The following IL1RAPL1 variants were observed in gnomAD, a reference collection of about 807,000 sequenced individuals.
The protein encoded by IL1RAPL1 is interleukin-1 receptor accessory protein-like 1.
Under a neutral mutation model 48.4 loss-of-function variants are expected in IL1RAPL1, and 3 were observed. The observed-to-expected ratio is 0.06, with a 90% CI of 0.03 to 0.16. The LOEUF (loss-of-function observed/expected upper bound fraction) is 0.16. Among genes scored for constraint, IL1RAPL1 ranks in the 10% least tolerant of loss-of-function variants. IL1RAPL1 has a pLI of 1.00. For missense variants in IL1RAPL1, 349 were observed against 530.6 expected (o/e 0.66, Z 3.36); for synonymous variants, 185 against 187.7 (o/e 0.99, Z 0.12).
At chrX:28,799,543 G>A (rs140560083) in intron 2 of IL1RAPL1, among the ~76,000 whole-genome samples, 110 of 112,076 alleles carry the variant, frequency 9.8e-4, no homozygotes, top group African/African-American at 3.4e-3. Flanking sequence ...CAGTAAAGCT[G>A]CCTTTGCAGA....
chrX:29,255,153 G>GTGTA (rs1931736344), intron 2 of IL1RAPL1, among the ~76,000 whole-genome samples: 1 of 109,034 alleles, frequency 9.2e-6, no homozygotes, highest in Admixed American at 9.8e-5. Flanking sequence ...GTGTGTGTGT[G>GTGTA]TGTGTGTGTG....
At chrX:29,413,342 T>C (rs928389591) in intron 5 of IL1RAPL1, among the ~76,000 whole-genome samples, 1 of 112,018 alleles carries the variant, frequency 8.9e-6, no homozygotes, top group Non-Finnish European at 1.9e-5. Context: ...AATGTAATTT[T>C]AATATTTATA....
chrX:29,296,321 T>G (rs1351809838), intron 3 of IL1RAPL1, among the ~76,000 whole-genome samples: 4 of 111,133 alleles, frequency 3.6e-5, no homozygotes, highest in African/African-American at 1.3e-4. Flanking sequence ...GTGAAGAAAT[T>G]CTGGGTGGGA....
Position 29,455,350 on chromosome X carries a change from G to A in IL1RAPL1, c.703+56042G>A, listed in dbSNP as rs754064398. Among the ~76,000 whole-genome samples the A allele has an allele frequency of 9.8e-5, 11 of 111,832 alleles. 1 individual carries two copies. The East Asian group carries it at 1.4e-3, about 14-fold the overall frequency. On this transcript the variant is annotated intron_variant, in intron 5 of 10. Coordinates refer to ENST00000378993, the MANE Select transcript of IL1RAPL1 (RefSeq NM_014271.4). ...CAGAGTTCCAACAGTTATCTCTTCA[G>A]TAAATGAAAGCATCTCCTTAAGCTT...
chrX:29,873,678 G>A (rs1931847953), intron 6 of IL1RAPL1, among the ~76,000 whole-genome samples: 1 of 111,773 alleles, frequency 8.9e-6, no homozygotes, highest in African/African-American at 3.3e-5. Flanking sequence ...CGACTTTGTG[G>A]TATTTTTTGT....
At chrX:28,758,523 T>A (rs1486680189) in intron 1 of IL1RAPL1, among the ~76,000 whole-genome samples, 1 of 110,977 alleles carries the variant, frequency 9.0e-6, no homozygotes, top group Admixed American at 9.6e-5. Context: ...AGGTATTCAG[T>A]TCTCAATGGC....
chrX:28,609,594 T>A (rs1208616058), intron 1 of IL1RAPL1, among the ~76,000 whole-genome samples: 1 of 103,848 alleles, frequency 9.6e-6, no homozygotes, highest in Non-Finnish European at 2.0e-5. Flanking sequence ...CATTTCTCAC[T>A]TTGATCAAAA....
intron 3 of IL1RAPL1, among the ~76,000 whole-genome samples, chrX:29,283,962 G>C (rs1463239558): frequency 8.9e-6 from 1 of 112,729 alleles, no homozygotes; most frequent in African/African-American, 3.2e-5. Context: ...CATAGATTGT[G>C]AATCACATCC....
intron 5 of IL1RAPL1, among the ~76,000 whole-genome samples, chrX:29,427,205 G>C (rs1422746214): frequency 9.0e-6 from 1 of 111,383 alleles, no homozygotes; most frequent in Non-Finnish European, 1.9e-5. Context: ...TCTGAGTCAA[G>C]GTGTATGAAC....
chrX:29,157,005 T>C (rs1929583323), intron 2 of IL1RAPL1, among the ~76,000 whole-genome samples: 1 of 111,742 alleles, frequency 8.9e-6, no homozygotes, highest in Non-Finnish European at 1.9e-5. Flanking sequence ...ACCTCAACAG[T>C]TGGTGGCTGA....
At chrX:28,800,072 G>A (rs1372460230) in intron 2 of IL1RAPL1, among the ~76,000 whole-genome samples, 2 of 111,653 alleles carry the variant, frequency 1.8e-5, no homozygotes, top group Non-Finnish European at 3.8e-5. Context: ...AGTATAAGCA[G>A]GGCTACACTT....
At chrX:28,925,733 C>T (rs1479781566) in intron 2 of IL1RAPL1, among the ~76,000 whole-genome samples, 3 of 110,846 alleles carry the variant, frequency 2.7e-5, no homozygotes, top group Admixed American at 9.5e-5. Context: ...CCATCCTGGC[C>T]GACAGGGTGA....
At chrX:29,947,974 T>C in intron 9 of IL1RAPL1, among the ~76,000 whole-genome samples, 1 of 110,884 alleles carries the variant, frequency 9.0e-6, no homozygotes, top group Middle Eastern at 4.7e-3. Context: ...CTGCTACTTT[T>C]TAATCCCCTT....
chrX:29,410,791 A>G (rs1014858442), intron 5 of IL1RAPL1, among the ~76,000 whole-genome samples: 3 of 112,509 alleles, frequency 2.7e-5, no homozygotes, highest in Non-Finnish European at 3.7e-5. Flanking sequence ...ACATAATTCA[A>G]ATCATAATTT....
chrX:29,807,313 A>T (rs2031551062), intron 6 of IL1RAPL1, among the ~76,000 whole-genome samples: 1 of 110,295 alleles, frequency 9.1e-6, no homozygotes, highest in Admixed American at 9.8e-5. Flanking sequence ...AAGAATTTTT[A>T]TTTAAAAATG....
intron 3 of IL1RAPL1, among the ~76,000 whole-genome samples, chrX:29,372,141 C>T (rs768100008): frequency 8.9e-6 from 1 of 112,128 alleles, no homozygotes; most frequent in Non-Finnish European, 1.9e-5. Flanking sequence ...GGTGGTATTT[C>T]ATTGTGGCTT....
chrX:29,805,642 C>T (rs1036132605), intron 6 of IL1RAPL1, among the ~76,000 whole-genome samples: 13 of 111,363 alleles, frequency 1.2e-4, no homozygotes, highest in African/African-American at 4.2e-4. Flanking sequence ...GCAACATATT[C>T]CTTAAGCATG....
At chrX:29,343,353 T>C (rs1005564416) in intron 3 of IL1RAPL1, among the ~76,000 whole-genome samples, 1 of 111,420 alleles carries the variant, frequency 9.0e-6, no homozygotes, top group Non-Finnish European at 1.9e-5. Flanking sequence ...TTGGGGCTCA[T>C]GAGCAAATAG....
intron 2 of IL1RAPL1, among the ~76,000 whole-genome samples, chrX:28,833,985 A>G (rs1436850538): frequency 8.9e-6 from 1 of 112,430 alleles, no homozygotes; most frequent in African/African-American, 3.2e-5. Flanking sequence ...ATTTAATGCA[A>G]TAACCACTTT....
Sources: allele counts gnomAD v4.1 joint callset (sites outside exome capture counted in the v4.1 genomes callset), GRCh38; gene constraint gnomAD v4.1.1; transcripts MANE v1.5; gene names NCBI Gene and HGNC (gene_info 2026-07-23, HGNC 2026-07-21).